The following SORBS2 variants were observed in gnomAD, a reference collection of about 807,000 sequenced individuals.
SORBS2 encodes the protein sorbin and SH3 domain containing 2.
Under a neutral mutation model 97.7 loss-of-function variants are expected in SORBS2, and 46 were observed. The observed-to-expected ratio is 0.47, with a 90% CI of 0.37 to 0.60. The LOEUF (loss-of-function observed/expected upper bound fraction) is 0.60, where lower values mean the gene tolerates loss of function less well. SORBS2 is among the 20% of genes least tolerant of loss of function. SORBS2 has a pLI of 0.00. For missense variants in SORBS2, 1,316 were observed against 1,282.3 expected, an observed-to-expected ratio of 1.03 and a Z score of -0.40; for synonymous variants, 476 against 473.4, an observed-to-expected ratio of 1.01 and a Z score of -0.07.
rs192634632 is a variant in SORBS2, at chr4:185,758,622, C to T, written c.-198+16605G>A. On this transcript the variant is annotated intron_variant, in intron 2 of 20. Coordinates refer to the SORBS2 transcript ENST00000284776. ...CAGGCACCTTCCTTCCTCACCTGGC[C>T]GTTGCAATAGCTTCCTAATTAGTCT... 2.2e-3 allele frequency among the ~76,000 whole-genome samples: 336 copies of T among 152,292 alleles called. 2 individuals are homozygous for T. The highest frequency in any genetic ancestry group is 1.9e-3 in the Non-Finnish European group (129 of 68,024).
chr4:185,598,773 A>G (rs1301549380), intron 12 of SORBS2, among the ~76,000 whole-genome samples: 1 of 152,236 alleles, frequency 6.6e-6, no homozygotes. Flanking sequence ...TTAAATTATG[A>G]AGGTAAAACA....
At chr4:185,829,018 A>G (rs777079097) in intron 1 of SORBS2, among the ~76,000 whole-genome samples, 2 of 152,220 alleles carry the variant, frequency 1.3e-5, no homozygotes, top group South Asian at 2.1e-4. Context: ...TGACACATAC[A>G]TATTTTGGAA....
intron 2 of SORBS2, among the ~76,000 whole-genome samples, chr4:185,753,072 G>A (rs898727746): frequency 1.3e-5 from 2 of 152,300 alleles, no homozygotes; most frequent in Admixed American, 6.5e-5. Flanking sequence ...CGGCCATGAG[G>A]GCTTCGTGGC....
At chr4:185,667,983 A>C (rs1425038985) in intron 4 of SORBS2, among the ~76,000 whole-genome samples, 1 of 152,110 alleles carries the variant, frequency 6.6e-6, no homozygotes, top group African/African-American at 2.4e-5. Flanking sequence ...TTCCCCTAAT[A>C]ATTCAGCTTT....
intron 1 of SORBS2, among the ~76,000 whole-genome samples, chr4:185,844,614 GT>G: frequency 6.6e-6 from 1 of 152,260 alleles, no homozygotes; most frequent in African/African-American, 2.4e-5. Context: ...CTACTCCTGT[GT>G]AAAAAGTGAA....
chr4:185,875,757 A>ACACG (rs2149757193), intron 1 of SORBS2, among the ~76,000 whole-genome samples: 1 of 152,362 alleles, frequency 6.6e-6, no homozygotes, highest in African/African-American at 2.4e-5. Flanking sequence ...TTACGTGCAT[A>ACACG]TGTAACTACA....
At chr4:185,801,666 A>ATCTC (rs59944716) in intron 1 of SORBS2, among the ~76,000 whole-genome samples, 35 of 98,294 alleles carry the variant, frequency 3.6e-4, no homozygotes, top group African/African-American at 1.3e-3. Flanking sequence ...TAACTGAATC[A>ATCTC]TCTCTCTCTC....
intron 2 of SORBS2, among the ~76,000 whole-genome samples, chr4:185,752,600 T>C (rs1169321013): frequency 6.6e-6 from 1 of 152,220 alleles, no homozygotes; most frequent in Non-Finnish European, 1.5e-5. Flanking sequence ...TAAAAAGATA[T>C]ATTCAGCTTC....
chr4:185,588,861 C>T (rs772028682), intron 14 of SORBS2, among the ~76,000 whole-genome samples: 6 of 152,100 alleles, frequency 3.9e-5, no homozygotes, highest in East Asian at 1.9e-4. Context: ...GTAATCCACC[C>T]GCCTCGGCCT....
intron 1 of SORBS2, among the ~76,000 whole-genome samples, chr4:185,894,927 G>A (rs2099244285): frequency 1.3e-5 from 2 of 152,334 alleles, no homozygotes; most frequent in African/African-American, 4.8e-5. Flanking sequence ...GGGAGCCAGT[G>A]ACTGAGCCGG....
chr4:185,936,526 G>C (rs998924120), intron 1 of SORBS2, among the ~76,000 whole-genome samples: 2 of 152,210 alleles, frequency 1.3e-5, no homozygotes, highest in East Asian at 3.8e-4. Context: ...ATGTTCATAA[G>C]TGTGACATAT....
chr4:185,613,376 G>A (rs2096572168), intron 11 of SORBS2, among the ~76,000 whole-genome samples: 1 of 152,108 alleles, frequency 6.6e-6, no homozygotes. Flanking sequence ...CAGGCTGGAT[G>A]CAATCGCTCA....
At chr4:185,885,354 A>G (rs1026362) in intron 1 of SORBS2, among the ~76,000 whole-genome samples, 60,809 of 152,084 alleles carry the variant, frequency 0.4, 12,331 homozygotes, top group East Asian at 0.55. Flanking sequence ...TCATTTTCTC[A>G]CACTGCTGAA....
intron 2 of SORBS2, among the ~76,000 whole-genome samples, chr4:185,735,660 T>C (rs2098680492): frequency 6.6e-6 from 1 of 152,124 alleles, no homozygotes; most frequent in East Asian, 1.9e-4. Context: ...TTGACATCCC[T>C]AGACGATATC....
At chr4:185,928,873 C>T (rs1198700223) in intron 1 of SORBS2, among the ~76,000 whole-genome samples, 4 of 152,230 alleles carry the variant, frequency 2.6e-5, no homozygotes, top group Non-Finnish European at 2.9e-5. Context: ...CAGCTTTCTT[C>T]AGGGATCATG....
intron 1 of SORBS2, among the ~76,000 whole-genome samples, chr4:185,892,386 A>G (rs1244839329): frequency 6.6e-6 from 1 of 152,202 alleles, no homozygotes; most frequent in Non-Finnish European, 1.5e-5. Context: ...TTTTGCAAAC[A>G]TTAATCCATG....
chr4:185,916,001 T>C, intron 1 of SORBS2, among the ~76,000 whole-genome samples: 1 of 152,068 alleles, frequency 6.6e-6, no homozygotes, highest in East Asian at 1.9e-4. Context: ...CAACGATCTG[T>C]ATGAACTTGT....
intron 2 of SORBS2, among the ~76,000 whole-genome samples, chr4:185,759,600 C>T (rs527730713): frequency 7.9e-6 from 1 of 127,040 alleles, no homozygotes; most frequent in South Asian, 3.0e-4. Flanking sequence ...GGTGAGTTCT[C>T]TAGGAATTGA....
chr4:185,678,430 G>A, exon 4 of SORBS2: 1 of 1,549,666 alleles, frequency 6.5e-7, no homozygotes. Context: ...TACCTGAGTT[G>A]GTGATCTTTT....
Sources: gnomAD v4.1 joint callset for allele counts (sites outside exome capture counted in the v4.1 genomes callset) on GRCh38, gnomAD v4.1.1 for gene constraint, MANE v1.5 for transcripts, NCBI Gene and HGNC (gene_info 2026-07-23, HGNC 2026-07-21) for gene names.